DCP2: variants seen among roughly 807,000 people sequenced by gnomAD.
The protein encoded by DCP2 is m7GpppN-mRNA hydrolase.
DCP2 carries 30 observed loss-of-function variants against 56.1 expected under a neutral mutation model. That is an observed-to-expected ratio of 0.53 (90% CI 0.40 to 0.73). The LOEUF is 0.73. DCP2 is among the 30% of genes least tolerant of loss of function. DCP2 has a pLI of 0.00. For synonymous variants in DCP2, 197 were observed against 163.3 expected, an observed-to-expected ratio of 1.21 and a Z score of -1.57; for missense variants, 533 against 502.7, an observed-to-expected ratio of 1.06 and a Z score of -0.58.
Position 113,015,149 on chromosome 5 carries a change from T to C in DCP2, c.*1665T>C, listed in dbSNP as rs1429892358. 7 of 152,642 alleles carry C rather than the reference T, an allele frequency of 4.6e-5. No homozygotes were observed. Among genetic ancestry groups the C allele is most frequent in the Non-Finnish European group, 7.3e-5 (5 of 68,038 alleles). 9.5% of individuals were successfully genotyped at this position (152,642 alleles called of 1,614,324 possible). On this transcript the variant is annotated 3_prime_UTR_variant, in exon 11 of 11. Coordinates refer to ENST00000389063, the MANE Select transcript of DCP2 (RefSeq NM_152624.6). ...TGCTTTTTAATGCATTATATGATTG[T>C]GTTTGGAAGCTTTTACTGTTCTTTT...
chr5:112,999,192 C>G (rs900571845), intron 4 of DCP2, among the ~76,000 whole-genome samples: 1 of 152,158 alleles, frequency 6.6e-6, no homozygotes, highest in Non-Finnish European at 1.5e-5. Flanking sequence ...GCATAATTTC[C>G]AATTATGCAG....
chr5:112,981,966 A>T (rs1748027755), intron 1 of DCP2, among the ~76,000 whole-genome samples: 1 of 151,944 alleles, frequency 6.6e-6, no homozygotes, highest in Admixed American at 6.6e-5. Context: ...GGGTTTCACC[A>T]TGTGTTAGCC....
intron 8 of DCP2, among the ~76,000 whole-genome samples, chr5:113,007,141 A>G (rs1749476190): frequency 6.6e-6 from 1 of 151,728 alleles, no homozygotes; most frequent in African/African-American, 2.4e-5. Flanking sequence ...AAAAAAAAAT[A>G]ATAGTAATCT....
chr5:113,003,477 G>A (rs910573139), intron 7 of DCP2, among the ~76,000 whole-genome samples: 1 of 152,090 alleles, frequency 6.6e-6, no homozygotes, highest in Non-Finnish European at 1.5e-5. Flanking sequence ...TTGGGAGGCT[G>A]AGGTGAGAGG....
chr5:112,995,982 C>T (rs1011737466), intron 4 of DCP2, among the ~76,000 whole-genome samples: 3 of 152,166 alleles, frequency 2.0e-5, no homozygotes, highest in African/African-American at 7.2e-5. Flanking sequence ...GTGTCTCTTC[C>T]TCTTGTAAAA....
At chr5:112,992,356 G>T (rs915063694) in intron 3 of DCP2, 108 bp downstream of exon 3, 1 of 1,375,040 alleles carries the variant, frequency 7.3e-7, no homozygotes, top group Non-Finnish European at 9.7e-7. Context: ...AATATACTTA[G>T]ATTTTTAGTG....
chr5:113,001,129 G>C lies in DCP2; in HGVS notation c.478G>C (p.Asp160His), dbSNP rs1452217460. The change falls in exon 5 of 11, where the codon GAT (aspartate) becomes CAT (histidine). Residue 160 changes from aspartate (D) to histidine (H), a missense_variant. By Grantham distance (81) the Asp-to-His change is moderately conservative. This residue lies in a region of DCP2 where 392 missense variants were observed against 346.6 expected (regional missense o/e 1.13). Transcript: ENST00000389063. ...TGATATCAAAGACTATATTTGTAAG[G>C]ATGATTACATTGAACTTCGAATCAA... ...GFDIKDYICK[D>H]DYIELRINDQ... 1.2e-6 allele frequency: 2 copies of C among 1,613,424 alleles called. No homozygotes were observed. The highest frequency in any genetic ancestry group is 1.3e-5 in the African/African-American group (1 of 74,856).
Position 113,001,283 on chromosome 5 carries a change from A to G in DCP2, c.585+47A>G, listed in dbSNP as rs115165195. ...AGGTTACTGGACAGTATCCCAAATG[A>G]ATAAGTAGGGAAATCCTTTTATAAG... is the stretch of plus-strand genomic sequence containing the variant. On this transcript the variant is annotated intron_variant, in intron 5 of 10. Coordinates refer to ENST00000389063, the MANE Select transcript of DCP2 (RefSeq NM_152624.6). The G allele has an allele frequency of 3.6e-4, 574 of 1,599,320 alleles. 7 individuals carry two copies. In the African/African-American group the frequency reaches 6.9e-3, roughly 19 times the overall value.
intron 1 of DCP2, among the ~76,000 whole-genome samples, chr5:112,983,319 G>A (rs1748098379): frequency 6.6e-6 from 1 of 152,170 alleles, no homozygotes; most frequent in Non-Finnish European, 1.5e-5. Flanking sequence ...GGTTGCCTCT[G>A]ACAGTTAAAA....
chr5:113,014,668 C>G lies in DCP2; in HGVS notation c.*1184C>G, dbSNP rs1490037769. On this transcript the variant is annotated 3_prime_UTR_variant, in exon 11 of 11. Transcript: ENST00000389063. ...GGAGGATTTCAGCTATAACTGAGGA[C>G]AATCACCAGGGCGTTAAGGGGGCTT... is the stretch of plus-strand genomic sequence containing the variant. 1.3e-5 allele frequency: 2 copies of G among 152,630 alleles called. No individual in the cohort carries two copies. Among genetic ancestry groups the G allele is most frequent in the South Asian group, 2.1e-4 (1 of 4,834 alleles). 9.5% of individuals were successfully genotyped at this position (152,630 alleles called of 1,614,324 possible).
chr5:112,997,622 T>C (rs1748926099), intron 4 of DCP2, among the ~76,000 whole-genome samples: 1 of 151,494 alleles, frequency 6.6e-6, no homozygotes, highest in Non-Finnish European at 1.5e-5. Flanking sequence ...TCTTTTTTTT[T>C]TTTTTGAGAC....
chr5:112,992,032 T>C, intron 2 of DCP2, 89 bp from the exon 3 acceptor site: 1 of 1,527,934 alleles, frequency 6.5e-7, no homozygotes, highest in Non-Finnish European at 8.9e-7. Flanking sequence ...TCACATGAAA[T>C]ACACTATTGA....
chr5:112,978,908 TGTG>T (rs1177040785), intron 1 of DCP2, among the ~76,000 whole-genome samples: 11 of 152,334 alleles, frequency 7.2e-5, no homozygotes, highest in Admixed American at 1.3e-4. Flanking sequence ...TAGAAAAAGA[TGTG>T]GTAATCTTAA....
intron 9 of DCP2, among the ~76,000 whole-genome samples, chr5:113,009,469 A>G (rs1019714634): frequency 7.9e-5 from 12 of 152,222 alleles, no homozygotes. Flanking sequence ...CAAAGATGAA[A>G]AGAAGTAACC....
chr5:112,978,611 T>C (rs74707785), intron 1 of DCP2, among the ~76,000 whole-genome samples: 3,015 of 151,986 alleles, frequency 0.02, 101 homozygotes, highest in African/African-American at 0.06. Context: ...TTGGTGATGG[T>C]AGATTTATAA....
At chr5:112,989,696 C>G (rs1748492239) in intron 2 of DCP2, among the ~76,000 whole-genome samples, 1 of 152,176 alleles carries the variant, frequency 6.6e-6, no homozygotes, top group African/African-American at 2.4e-5. Context: ...TACCCTTCAT[C>G]TGTATTCATT....
intron 7 of DCP2, among the ~76,000 whole-genome samples, chr5:113,002,547 G>A (rs1417659995): frequency 6.6e-6 from 1 of 151,996 alleles, no homozygotes; most frequent in Non-Finnish European, 1.5e-5. Flanking sequence ...TTTGAGGCAG[G>A]GTCTCTCTCT....
intron 8 of DCP2, among the ~76,000 whole-genome samples, chr5:113,005,459 T>C (rs184341330): frequency 2.6e-5 from 4 of 152,254 alleles, no homozygotes; most frequent in Admixed American, 6.5e-5. Context: ...AGATATCACT[T>C]CTTACCCATT....
At chr5:112,977,562 C>T (rs966494562) in intron 1 of DCP2, among the ~76,000 whole-genome samples, 2 of 151,954 alleles carry the variant, frequency 1.3e-5, no homozygotes, top group African/African-American at 4.8e-5. Context: ...CTGGACTTGT[C>T]TTTGGGGGAG....
Sources: allele counts gnomAD v4.1 joint callset (sites outside exome capture counted in the v4.1 genomes callset), GRCh38; gene constraint gnomAD v4.1.1; regional missense constraint gnomAD v4.1.1; transcripts MANE v1.5; gene names NCBI Gene and HGNC (gene_info 2026-07-23, HGNC 2026-07-21).